Variants in NRG1 observed in about 807,000 individuals in gnomAD.
The protein encoded by NRG1 is pro-neuregulin-1, membrane-bound isoform.
A neutral mutation model predicts 63.8 loss-of-function variants in NRG1; 18 were observed. That is an observed-to-expected ratio of 0.28 (90% CI 0.19 to 0.42). The LOEUF (loss-of-function observed/expected upper bound fraction) is 0.42. NRG1 is among the 10% of genes least tolerant of loss of function. The pLI is 1.00. For missense variants in NRG1, 762 were observed against 814.7 expected, an observed-to-expected ratio of 0.94 and a Z score of 0.79; for synonymous variants, 302 against 301.3, an observed-to-expected ratio of 1.00 and a Z score of -0.02.
intron 1 of NRG1, among the ~76,000 whole-genome samples, chr8:32,265,312 G>A (rs576843833): frequency 1.3e-5 from 2 of 151,962 alleles, no homozygotes; most frequent in Non-Finnish European, 1.5e-5. Context: ...TCCAGCCTGG[G>A]CAACAGAGAG....
chr8:31,761,149 G>T (rs62508564), intron 1 of NRG1, among the ~76,000 whole-genome samples: 3 of 152,034 alleles, frequency 2.0e-5, no homozygotes, highest in East Asian at 3.9e-4. Context: ...CATGTCCTTT[G>T]TAGGGACATG....
chr8:31,964,455 A>T (rs13260352), intron 1 of NRG1, among the ~76,000 whole-genome samples: 8 of 152,042 alleles, frequency 5.3e-5, no homozygotes, highest in South Asian at 2.1e-4. Context: ...AGATTACTTG[A>T]GCTCAGGAGT....
intron 5 of NRG1, among the ~76,000 whole-genome samples, chr8:32,673,029 A>C (rs1055439317): frequency 3.9e-5 from 6 of 152,236 alleles, no homozygotes; most frequent in Admixed American, 6.5e-5. Flanking sequence ...TGTATTTAAG[A>C]ATAAGCATCT....
Position 32,057,194 on chromosome 8 carries a change from C to T in NRG1, c.37+417763C>T, listed in dbSNP as rs559332102. 1.1e-4 allele frequency among the ~76,000 whole-genome samples: 17 copies of T among 152,204 alleles called. 1 individual carries two copies. The South Asian group carries it at 2.9e-3, about 26-fold the overall frequency. On this transcript the variant is annotated intron_variant, in intron 1 of 10. Transcript: ENST00000519301. ...TCCAATATGGCAAGCACTTCTAATT[C>T]GTGTGAATAGATCTCTTTATAGACA...
intron 1 of NRG1, among the ~76,000 whole-genome samples, chr8:32,295,633 A>G (rs1327361367): frequency 2.6e-5 from 4 of 152,088 alleles, no homozygotes; most frequent in Non-Finnish European, 4.4e-5. Flanking sequence ...ATCTCCAGGG[A>G]AGTCAAGTGA....
At chr8:31,953,476 G>A (rs1052779396) in intron 1 of NRG1, among the ~76,000 whole-genome samples, 1 of 152,166 alleles carries the variant, frequency 6.6e-6, no homozygotes, top group Non-Finnish European at 1.5e-5. Flanking sequence ...TACTTAAAGT[G>A]AAGAGAAATT....
At chr8:32,008,344 T>A (rs1045860468) in intron 1 of NRG1, among the ~76,000 whole-genome samples, 1 of 152,000 alleles carries the variant, frequency 6.6e-6, no homozygotes, top group Non-Finnish European at 1.5e-5. Context: ...TGTATAACTA[T>A]TCCATTCACA....
chr8:32,589,390 G>T (rs955339350), intron 1 of NRG1, among the ~76,000 whole-genome samples: 3 of 152,194 alleles, frequency 2.0e-5, no homozygotes, highest in African/African-American at 7.2e-5. Context: ...TATTCGTGTG[G>T]CTTTCATTAG....
intron 1 of NRG1, among the ~76,000 whole-genome samples, chr8:32,558,507 A>C (rs1190493846): frequency 6.6e-6 from 1 of 151,832 alleles, no homozygotes; most frequent in East Asian, 1.9e-4. Context: ...TAGGAATAAA[A>C]CTCTGTAAAC....
At chr8:32,766,058 G>A (rs990682664) in exon 12 of NRG1, 9 of 152,136 alleles carry the variant, frequency 5.9e-5, no homozygotes, top group Non-Finnish European at 8.8e-5. Context: ...ACAGGTTATC[G>A]GGGGATTCAT....
At chr8:31,644,406 T>C (rs11774696) in intron 1 of NRG1, among the ~76,000 whole-genome samples, 31,795 of 152,142 alleles carry the variant, frequency 0.21, 4,343 homozygotes, top group East Asian at 0.58. Flanking sequence ...AGAATAAAAA[T>C]ATTTTAAAAA....
chr8:31,659,914 G>A (rs1352616050), intron 1 of NRG1, among the ~76,000 whole-genome samples: 2 of 152,076 alleles, frequency 1.3e-5, no homozygotes, highest in Admixed American at 6.6e-5. Context: ...CTCTGTGCTA[G>A]GCCCTTCCTG....
chr8:32,460,309 CT>C (rs1466784302), intron 1 of NRG1, among the ~76,000 whole-genome samples: 31 of 152,268 alleles, frequency 2.0e-4, no homozygotes, highest in African/African-American at 7.5e-4. Context: ...CTTACAGAGC[CT>C]TGATAGATGA....
At chr8:32,489,419 G>A (rs1318975640) in intron 1 of NRG1, among the ~76,000 whole-genome samples, 1 of 152,016 alleles carries the variant, frequency 6.6e-6, no homozygotes, top group East Asian at 1.9e-4. Flanking sequence ...CCTTTCCCTG[G>A]AGCTGGCTGC....
chr8:32,627,813 T>A (rs920931781), intron 5 of NRG1, among the ~76,000 whole-genome samples: 1 of 152,216 alleles, frequency 6.6e-6, no homozygotes, highest in African/African-American at 2.4e-5. Context: ...CATTCCTCCC[T>A]CAATTTTCTT....
chr8:31,763,642 A>T lies in NRG1; in HGVS notation c.37+124211A>T, dbSNP rs929393579. 4.6e-5 allele frequency among the ~76,000 whole-genome samples: 7 copies of T among 152,242 alleles called. No homozygotes were observed. The East Asian group carries it at 1.3e-3, about 29-fold the overall frequency. On this transcript the variant is annotated intron_variant, in intron 1 of 10. Transcript: ENST00000519301. ...GATGTGAGAATGGAAATAAAGGGAT[A>T]CAAGAGGCATTTAAAAATAGATAGT...
At chr8:32,705,868 C>T (rs1057279397) in intron 5 of NRG1, among the ~76,000 whole-genome samples, 7 of 152,218 alleles carry the variant, frequency 4.6e-5, no homozygotes, top group Non-Finnish European at 8.8e-5. Flanking sequence ...ACATTTCCTA[C>T]ATGTCCTCGA....
chr8:31,915,178 A>T (rs1833278176), intron 1 of NRG1, among the ~76,000 whole-genome samples: 1 of 151,964 alleles, frequency 6.6e-6, no homozygotes, highest in African/African-American at 2.4e-5. Flanking sequence ...AGGACTGGTG[A>T]TTCAAAAACT....
intron 1 of NRG1, among the ~76,000 whole-genome samples, chr8:32,490,062 G>A (rs1474517680): frequency 6.6e-6 from 1 of 152,150 alleles, no homozygotes; most frequent in Admixed American, 6.5e-5. Flanking sequence ...TAATCCCAAT[G>A]GGAGACCAAG....
Sources: gnomAD v4.1 joint callset for allele counts (sites outside exome capture counted in the v4.1 genomes callset) on GRCh38, gnomAD v4.1.1 for gene constraint, MANE v1.5 for transcripts, NCBI Gene and HGNC (gene_info 2026-07-23, HGNC 2026-07-21) for gene names.